Variants in P2RX7 observed in about 807,000 individuals in gnomAD.
The protein encoded by P2RX7 is P2X purinoceptor 7.
In P2RX7, 62 loss-of-function variants were observed where a neutral mutation model predicts 71.6. The ratio of observed to expected loss-of-function variants is 0.87; its 90% confidence interval spans 0.71 to 1.07. The LOEUF (loss-of-function observed/expected upper bound fraction) is 1.07. Among genes scored for constraint, P2RX7 ranks in the 50% least tolerant of loss-of-function variants. The probability of loss-of-function intolerance (pLI) is 0.00; values close to 1 mark genes in which losing one functional copy is unlikely to be tolerated. For missense variants in P2RX7, 686 were observed against 748.5 expected (o/e 0.92, Z 0.97); for synonymous variants, 299 against 283.3 (o/e 1.06, Z -0.56).
chr12:121,182,475 G>T (rs373911420), intron 12 of P2RX7, among the ~76,000 whole-genome samples: 2 of 152,172 alleles, frequency 1.3e-5, no homozygotes, highest in African/African-American at 4.8e-5. Context: ...AGGTTATATG[G>T]TGTAGTCTAT....
At chr12:121,181,054 C>T (rs1172637950) in intron 12 of P2RX7, among the ~76,000 whole-genome samples, 6 of 152,204 alleles carry the variant, frequency 3.9e-5, no homozygotes, top group African/African-American at 1.4e-4. Context: ...CCTCCCACCT[C>T]AGCTGTACCA....
At chr12:121,177,685 G>GTAAT (rs1883388481) in intron 11 of P2RX7, among the ~76,000 whole-genome samples, 1 of 139,704 alleles carries the variant, frequency 7.2e-6, no homozygotes, top group Non-Finnish European at 1.6e-5. Context: ...TGCCAATTTT[G>GTAAT]TCATTTATTT....
chr12:121,164,649 G>T (rs1051701511), intron 5 of P2RX7, among the ~76,000 whole-genome samples: 1 of 152,150 alleles, frequency 6.6e-6, no homozygotes, highest in African/African-American at 2.4e-5. Flanking sequence ...AGGTGTGGTG[G>T]CACACGCCTG....
Position 121,184,434 on chromosome 12 carries a change from C to T in P2RX7, c.1420C>T (p.Pro474Ser). Residue 474 changes from proline to serine, a missense_variant, in exon 13 of 13, where the codon CCC (proline) becomes TCC (serine). Coordinates refer to ENST00000328963, the MANE Select transcript of P2RX7 (RefSeq NM_002562.6). Reference protein sequence around the residue: ...KEATPRSRDSPVWCQCGSCLP... With the variant: ...KEATPRSRDSSVWCQCGSCLP... The stretch of plus-strand genomic sequence containing the variant: ...GGCGACTCCTAGATCCAGGGATAGC[C>T]CCGTCTGGTGCCAGTGTGGAAGCTG... The T allele has an allele frequency of 6.2e-7, 1 of 1,614,170 alleles. No homozygotes were observed. The highest frequency in any genetic ancestry group is 8.5e-7 in the Non-Finnish European group (1 of 1,180,028).
intron 1 of P2RX7, among the ~76,000 whole-genome samples, chr12:121,141,904 A>G (rs1364021561): frequency 6.6e-6 from 1 of 152,176 alleles, no homozygotes. Context: ...TTTCCCTTGC[A>G]GCTAGGACAC....
intron 1 of P2RX7, among the ~76,000 whole-genome samples, chr12:121,135,763 G>A (rs996986726): frequency 1.3e-5 from 2 of 151,484 alleles, no homozygotes; most frequent in Admixed American, 1.3e-4. Flanking sequence ...AGCACTTTGG[G>A]AGGCCAAGGC....
intron 1 of P2RX7, among the ~76,000 whole-genome samples, chr12:121,150,942 A>G (rs964153751): frequency 7.2e-5 from 11 of 152,224 alleles, no homozygotes; most frequent in Admixed American, 6.5e-4. Flanking sequence ...TAGAAATACT[A>G]AAGTGTATTG....
At chr12:121,135,181 A>C (rs1873291686) in intron 1 of P2RX7, among the ~76,000 whole-genome samples, 1 of 152,088 alleles carries the variant, frequency 6.6e-6, no homozygotes, top group Non-Finnish European at 1.5e-5. Context: ...TCTACTAAAA[A>C]TACAAAAATT....
Position 121,137,102 on chromosome 12 carries a change from G to C in P2RX7, c.125+4007G>C, listed in dbSNP as rs190004504. On this transcript the variant is annotated intron_variant, in intron 1 of 12. Coordinates refer to ENST00000328963, the MANE Select transcript of P2RX7 (RefSeq NM_002562.6). ...AAATTCAGTTATACATGTTCCATGG[G>C]GACATGGAGAGAGAGAGAACAATAT... 5.5e-3 allele frequency among the ~76,000 whole-genome samples: 838 copies of C among 152,210 alleles called. 9 individuals are homozygous for C. The highest frequency in any genetic ancestry group is 0.019 in the African/African-American group (790 of 41,502).
chr12:121,175,325 A>AC (rs1882916456), intron 8 of P2RX7, 63 bp from the exon 9 acceptor site: 17 of 1,032,628 alleles, frequency 1.6e-5, no homozygotes, highest in African/African-American at 3.3e-5. Context: ...AAAAAAAAAA[A>AC]AAAACCCAAA....
At chr12:121,147,675 G>T (rs543204144) in intron 1 of P2RX7, among the ~76,000 whole-genome samples, 1 of 152,038 alleles carries the variant, frequency 6.6e-6, no homozygotes, top group Non-Finnish European at 1.5e-5. Context: ...GCAGTGGCAC[G>T]ATCTTGGCTC....
chr12:121,167,738 A>G (rs1240171020), intron 8 of P2RX7, 114 bp downstream of exon 8: 10 of 862,592 alleles, frequency 1.2e-5, no homozygotes, highest in East Asian at 3.0e-5. Flanking sequence ...GACTTTCTCT[A>G]AGAACTAGGT....
At chr12:121,138,078 T>A (rs1874079813) in intron 1 of P2RX7, among the ~76,000 whole-genome samples, 1 of 151,974 alleles carries the variant, frequency 6.6e-6, no homozygotes, top group South Asian at 2.1e-4. Flanking sequence ...CAGGTCTGTG[T>A]CAGCCAGGAT....
intron 1 of P2RX7, among the ~76,000 whole-genome samples, chr12:121,136,647 C>CT (rs66894143): frequency 0.065 from 7,770 of 119,228 alleles, 425 homozygotes; most frequent in East Asian, 0.17. Flanking sequence ...TTCTTTCTTT[C>CT]TTTTTTTTTT....
chr12:121,156,257 T>C, intron 3 of P2RX7, 110 bp downstream of exon 3: 1 of 826,852 alleles, frequency 1.2e-6, no homozygotes, highest in South Asian at 1.4e-5. Flanking sequence ...CCCACAGATA[T>C]CTACTGAGCA....
chr12:121,133,443 T>C (rs1237190802), intron 1 of P2RX7, among the ~76,000 whole-genome samples: 3 of 152,256 alleles, frequency 2.0e-5, no homozygotes, highest in Non-Finnish European at 4.4e-5. Context: ...GTGATCATGC[T>C]GGCATCTGAG....
In P2RX7 at chr12:121,154,699, A is replaced by T; in HGVS notation, c.126-86A>T. On this transcript the variant is annotated intron_variant, in intron 1 of 12. Transcript: ENST00000328963. The surrounding 1 kb of genome is among the most constrained non-coding windows in gnomAD (Gnocchi z 4.2). ...GTCACGCAGCAGAGCTAGGATTGGA[A>T]CAGAAGTGCCTGCATCCTCCAACGC... The T allele has an allele frequency of 1.2e-6, 1 of 855,636 alleles. No homozygotes were observed. Among genetic ancestry groups the T allele is most frequent in the Non-Finnish European group, 2.0e-6 (1 of 490,472 alleles). The allele number at this position is 855,636 out of a possible 1,614,324, so 53.0% of individuals were successfully genotyped here. A position where few individuals can be genotyped will look rare whatever the true frequency, so the allele number is the denominator to read the frequency against.
At chr12:121,150,380 C>G (rs1416271019) in intron 1 of P2RX7, among the ~76,000 whole-genome samples, 1 of 152,146 alleles carries the variant, frequency 6.6e-6, no homozygotes, top group African/African-American at 2.4e-5. Context: ...ATTGAGCTTC[C>G]CAAATGGTGG....
chr12:121,165,282 C>CCAGA (rs1880766902), intron 5 of P2RX7, 75 bp from the exon 6 acceptor site: 2 of 1,124,770 alleles, frequency 1.8e-6, no homozygotes, highest in African/African-American at 3.1e-5. Flanking sequence ...AACCAGAAGC[C>CCAGA]TCTGGTCCCA....
Sources: gnomAD v4.1 joint callset for allele counts (sites outside exome capture counted in the v4.1 genomes callset) on GRCh38, gnomAD v4.1.1 for gene constraint, Gnocchi (gnomAD v3.1) non-coding constraint, MANE v1.5 for transcripts, NCBI Gene and HGNC (gene_info 2026-07-23, HGNC 2026-07-21) for gene names.